BBS9: variants seen among roughly 807,000 people sequenced by gnomAD.
BBS9 encodes the protein protein PTHB1.
BBS9 carries 89 observed loss-of-function variants against 117.7 expected under a neutral mutation model. The ratio of observed to expected loss-of-function variants is 0.76; its 90% CI spans 0.64 to 0.90. The LOEUF (loss-of-function observed/expected upper bound fraction) is 0.90. Among genes scored for constraint, BBS9 ranks in the 40% least tolerant of loss-of-function variants. The pLI, the probability that BBS9 is intolerant of heterozygous loss-of-function variation, is 0.00. For missense variants in BBS9, 982 were observed against 1,042.2 expected (o/e 0.94, Z 0.80); for synonymous variants, 379 against 370.9 (o/e 1.02, Z -0.25).
chr7:33,555,435 A>C (rs767238101), intron 21 of BBS9, among the ~76,000 whole-genome samples: 13 of 152,208 alleles, frequency 8.5e-5, no homozygotes, highest in Non-Finnish European at 1.6e-4. Flanking sequence ...CTGTTTTTTC[A>C]GATAATGAAG....
chr7:33,305,987 C>T (rs952851520), intron 9 of BBS9, among the ~76,000 whole-genome samples: 1 of 151,846 alleles, frequency 6.6e-6, no homozygotes, highest in Non-Finnish European at 1.5e-5. Context: ...CTTTAAAATG[C>T]GTTGTGAGGT....
At chr7:33,618,300 G>A (rs886766002) in intron 21 of BBS9, among the ~76,000 whole-genome samples, 11 of 151,448 alleles carry the variant, frequency 7.3e-5, no homozygotes, top group African/African-American at 2.4e-4. Flanking sequence ...AGCTGTGATC[G>A]CATCACTGCA....
intron 1 of BBS9, among the ~76,000 whole-genome samples, chr7:33,137,179 T>G (rs941171199): frequency 1.3e-5 from 2 of 152,112 alleles, no homozygotes; most frequent in African/African-American, 4.8e-5. Flanking sequence ...AGCACTGCCC[T>G]GAGCGCACAC....
intron 19 of BBS9, among the ~76,000 whole-genome samples, chr7:33,437,811 G>A (rs960977145): frequency 6.6e-6 from 1 of 152,118 alleles, no homozygotes; most frequent in Non-Finnish European, 1.5e-5. Flanking sequence ...GGGAGGCAGA[G>A]GTTGCACTGA....
chr7:33,218,608 C>A (rs1186441152), intron 5 of BBS9, among the ~76,000 whole-genome samples: 2 of 152,154 alleles, frequency 1.3e-5, no homozygotes, highest in African/African-American at 4.8e-5. Flanking sequence ...TAGGATTTAC[C>A]ACGGGCTTCT....
At chr7:33,245,198 A>G (rs1386022719) in intron 5 of BBS9, among the ~76,000 whole-genome samples, 2 of 152,060 alleles carry the variant, frequency 1.3e-5, no homozygotes, top group East Asian at 3.9e-4. Flanking sequence ...CCTAATTTGT[A>G]TATTTTCCTT....
chr7:33,178,969 C>T (rs1173169637), intron 5 of BBS9, among the ~76,000 whole-genome samples: 17 of 151,926 alleles, frequency 1.1e-4, no homozygotes, highest in East Asian at 1.9e-4. Flanking sequence ...ATTACTTGAA[C>T]GATAAGGAGA....
intron 9 of BBS9, among the ~76,000 whole-genome samples, chr7:33,297,662 A>G (rs1157420302): frequency 6.6e-6 from 1 of 152,138 alleles, no homozygotes; most frequent in African/African-American, 2.4e-5. Flanking sequence ...CAATATTACC[A>G]ATGCAGTGGA....
chr7:33,520,634 C>A (rs1848461107), intron 20 of BBS9, among the ~76,000 whole-genome samples: 1 of 152,130 alleles, frequency 6.6e-6, no homozygotes, highest in African/African-American at 2.4e-5. Flanking sequence ...GACTTGTAAT[C>A]CAATGTACTT....
chr7:33,502,398 A>G (rs1362188167), intron 19 of BBS9, among the ~76,000 whole-genome samples: 1 of 152,178 alleles, frequency 6.6e-6, no homozygotes, highest in Non-Finnish European at 1.5e-5. Context: ...CAAAGTTGGG[A>G]AGAAATGTAA....
chr7:33,435,806 G>C (rs534057940), intron 19 of BBS9, among the ~76,000 whole-genome samples: 51 of 152,146 alleles, frequency 3.4e-4, no homozygotes, highest in Non-Finnish European at 6.0e-4. Flanking sequence ...GTGTTCTCTT[G>C]TGACACTGAG....
chr7:33,507,226 T>G (rs1168371534), intron 20 of BBS9, among the ~76,000 whole-genome samples: 1 of 152,124 alleles, frequency 6.6e-6, no homozygotes, highest in African/African-American at 2.4e-5. Flanking sequence ...AGATCAGTTT[T>G]TTTGTTTGTT....
chr7:33,348,935 T>TATA, intron 12 of BBS9, 133 bp from the exon 13 acceptor site: 1 of 659,908 alleles, frequency 1.5e-6, no homozygotes. Flanking sequence ...TACTGTATTA[T>TATA]GTTTTGTGAC....
Position 33,495,001 on chromosome 7 carries a change from A to G in BBS9, c.2116-10462A>G, listed in dbSNP as rs76665399. On this transcript the variant is annotated intron_variant, in intron 19 of 22. Coordinates refer to ENST00000242067, the MANE Select transcript of BBS9 (RefSeq NM_198428.3). ...TTACATATTTTGCCAAAGAACTACC[A>G]GATAGTAGTGGTGTAACTATTTTAT... is the stretch of plus-strand genomic sequence containing the variant. Among the ~76,000 whole-genome samples the G allele has an allele frequency of 6.3e-3, 953 of 152,358 alleles. 12 individuals are homozygous for G. Among genetic ancestry groups the G allele is most frequent in the African/African-American group, 0.022 (918 of 41,580 alleles).
rs529958914 is a variant in BBS9 at position 33,239,568 on chromosome 7, C to A, written c.443-17668C>A. On this transcript the variant is annotated intron_variant, in intron 5 of 22. Coordinates refer to ENST00000242067, the MANE Select transcript of BBS9 (RefSeq NM_198428.3). ...GGGATTACAGGCACGTGCCACCATG[C>A]CCCAACTTTGCCTAATCATACAGAT... Among the ~76,000 whole-genome samples, 4 of 152,218 alleles carry A rather than the reference C, an allele frequency of 2.6e-5. No homozygotes were observed. In the East Asian group the frequency reaches 7.7e-4, roughly 29 times the overall value.
intron 5 of BBS9, among the ~76,000 whole-genome samples, chr7:33,207,974 A>AT (rs1378628625): frequency 6.6e-6 from 1 of 151,802 alleles, no homozygotes; most frequent in Non-Finnish European, 1.5e-5. Context: ...TGCCTGGCTT[A>AT]TTTTTTGTAT....
At chr7:33,344,275 G>A (rs922710029) in intron 11 of BBS9, among the ~76,000 whole-genome samples, 1 of 151,232 alleles carries the variant, frequency 6.6e-6, no homozygotes, top group African/African-American at 2.4e-5. Context: ...TAGAGACGGG[G>A]TTTCACGGTG....
At chr7:33,515,507 T>A (rs2392244) in intron 20 of BBS9, among the ~76,000 whole-genome samples, 1 of 152,026 alleles carries the variant, frequency 6.6e-6, no homozygotes, top group Non-Finnish European at 1.5e-5. Flanking sequence ...CCTTTTCGAC[T>A]AAACTCAAAA....
chr7:33,447,554 CAACT>C (rs1384930616), intron 19 of BBS9, among the ~76,000 whole-genome samples: 1 of 152,150 alleles, frequency 6.6e-6, no homozygotes, highest in East Asian at 1.9e-4. Flanking sequence ...GTTAGTCATC[CAACT>C]GTTTCCAAAA....
Sources: gnomAD v4.1 joint callset for allele counts (sites outside exome capture counted in the v4.1 genomes callset) on GRCh38, gnomAD v4.1.1 for gene constraint, MANE v1.5 for transcripts, NCBI Gene and HGNC (gene_info 2026-07-23, HGNC 2026-07-21) for gene names.